MEGF11: variants seen among roughly 807,000 people sequenced by gnomAD.
MEGF11 encodes the protein multiple epidermal growth factor-like domains protein 11.
MEGF11 carries 126 observed loss-of-function variants against 146.6 expected under a neutral mutation model. The observed-to-expected ratio is 0.86, with a 90% CI of 0.74 to 1.00. MEGF11 has a LOEUF of 1.00. MEGF11 is among the 50% of genes least tolerant of loss of function. MEGF11 has a pLI of 0.00. For missense variants in MEGF11, 1,509 were observed against 1,521.2 expected (o/e 0.99, Z 0.13); for synonymous variants, 532 against 583.4 (o/e 0.91, Z 1.27).
chr15:66,205,385 A>G (rs1402701545), intron 1 of MEGF11, among the ~76,000 whole-genome samples: 3 of 152,154 alleles, frequency 2.0e-5, no homozygotes, highest in Non-Finnish European at 4.4e-5. Context: ...TTGAGGTTAC[A>G]ATGAGCTATA....
At chr15:66,059,142 G>C (rs958094144) in intron 5 of MEGF11, among the ~76,000 whole-genome samples, 1 of 152,202 alleles carries the variant, frequency 6.6e-6, no homozygotes, top group Non-Finnish European at 1.5e-5. Flanking sequence ...AGAAACCATT[G>C]CTCTAACCTT....
chr15:66,105,995 C>T (rs796287019), intron 4 of MEGF11, among the ~76,000 whole-genome samples: 25 of 152,264 alleles, frequency 1.6e-4, no homozygotes, highest in African/African-American at 6.0e-4. Context: ...GTTCTCTGGC[C>T]AGGGGAGGGA....
At chr15:66,170,475 C>T (rs1017798570) in intron 1 of MEGF11, among the ~76,000 whole-genome samples, 1 of 152,220 alleles carries the variant, frequency 6.6e-6, no homozygotes, top group Non-Finnish European at 1.5e-5. Flanking sequence ...TGAATCCACT[C>T]AGTAGCTGCG....
intron 5 of MEGF11, among the ~76,000 whole-genome samples, chr15:66,060,405 C>G (rs569502965): frequency 6.6e-6 from 1 of 152,338 alleles, no homozygotes; most frequent in Admixed American, 6.5e-5. Flanking sequence ...AGAACTAGCT[C>G]AGTACCCAGC....
Position 66,076,347 on chromosome 15 carries a change from T to TAA in MEGF11, c.394+18053_394+18054dup, listed in dbSNP as rs11348293. Among the ~76,000 whole-genome samples, 1,334 of 145,518 alleles carry TAA rather than the reference T, an allele frequency of 9.2e-3. 25 individuals carry two copies. Among genetic ancestry groups the TAA allele is most frequent in the East Asian group, 0.028 (140 of 5,010 alleles). The stretch of plus-strand genomic sequence containing the variant: ...TCTGTCATGTTACTAAAGATCTTTG[T>TAA]AAAAAAAAAAAAAAATACCAAGTGG... On this transcript the variant is annotated intron_variant, in intron 5 of 25. Transcript: ENST00000395614.
chr15:66,099,031 T>A (rs2086666029), intron 4 of MEGF11, among the ~76,000 whole-genome samples: 1 of 152,080 alleles, frequency 6.6e-6, no homozygotes, highest in South Asian at 2.1e-4. Flanking sequence ...GGCTTCCATA[T>A]ATGAAGAGAC....
chr15:65,985,812 A>T lies in MEGF11; in HGVS notation c.395-3324T>A, dbSNP rs563171511. ...GAGCAGCATTCATGGTACCCTACGA[A>T]AGTGCTCTAATAAGGGCAGCTCAGG... On this transcript the variant is annotated intron_variant, in intron 5 of 25. Coordinates refer to ENST00000395614, the MANE Select transcript of MEGF11 (RefSeq NM_001385028.1). Among the ~76,000 whole-genome samples the T allele has an allele frequency of 9.9e-5, 15 of 152,164 alleles. No individual in the cohort carries two copies. The East Asian group carries it at 1.5e-3, about 16-fold the overall frequency.
intron 5 of MEGF11, among the ~76,000 whole-genome samples, chr15:66,053,476 CATT>C (rs1186529743): frequency 3.3e-5 from 5 of 152,048 alleles, no homozygotes; most frequent in Admixed American, 2.6e-4. Context: ...ATGGGGTTAT[CATT>C]ATTATCATTA....
At chr15:65,943,413 G>C (rs182883141) in intron 10 of MEGF11, among the ~76,000 whole-genome samples, 1 of 152,056 alleles carries the variant, frequency 6.6e-6, no homozygotes, top group Non-Finnish European at 1.5e-5. Flanking sequence ...AGGGGCACAG[G>C]CTGGCAACTT....
At chr15:66,123,296 C>A (rs1012419350) in intron 3 of MEGF11, among the ~76,000 whole-genome samples, 2 of 152,134 alleles carry the variant, frequency 1.3e-5, no homozygotes, top group African/African-American at 4.8e-5. Context: ...GTCAAGGTGC[C>A]GAGAGGTTGC....
chr15:66,162,891 G>A (rs1429649261), intron 1 of MEGF11, among the ~76,000 whole-genome samples: 1 of 152,210 alleles, frequency 6.6e-6, no homozygotes. Flanking sequence ...CTTCTCAGGT[G>A]GAGGTTAAGT....
At chr15:65,979,011 T>C (rs1289838618) in intron 7 of MEGF11, among the ~76,000 whole-genome samples, 1 of 142,392 alleles carries the variant, frequency 7.0e-6, no homozygotes, top group African/African-American at 2.6e-5. Flanking sequence ...CACCTCAATA[T>C]AGAAACTAGA....
At chr15:66,252,607 A>G (rs2092391543) in intron 1 of MEGF11, among the ~76,000 whole-genome samples, 1 of 152,166 alleles carries the variant, frequency 6.6e-6, no homozygotes, top group African/African-American at 2.4e-5. Flanking sequence ...GGGCACCGCC[A>G]CGCCGAGGCT....
chr15:66,165,717 G>A (rs898546995), intron 1 of MEGF11, among the ~76,000 whole-genome samples: 6 of 152,094 alleles, frequency 3.9e-5, no homozygotes, highest in African/African-American at 1.4e-4. Context: ...GACTTATAAG[G>A]AAAAGGCAGG....
intron 7 of MEGF11, among the ~76,000 whole-genome samples, chr15:65,978,738 G>C (rs1488132133): frequency 1.3e-5 from 2 of 152,104 alleles, no homozygotes; most frequent in African/African-American, 4.8e-5. Flanking sequence ...ACTGGTTCAG[G>C]GTGGAAGAAA....
chr15:66,027,995 A>G (rs1487347878), intron 5 of MEGF11, among the ~76,000 whole-genome samples: 4 of 152,252 alleles, frequency 2.6e-5, no homozygotes, highest in African/African-American at 9.6e-5. Context: ...CTCTGAAAAG[A>G]GGGACGTAGC....
chr15:66,084,199 G>C (rs2140574113), intron 5 of MEGF11, among the ~76,000 whole-genome samples: 1 of 152,192 alleles, frequency 6.6e-6, no homozygotes, highest in African/African-American at 2.4e-5. Flanking sequence ...ATCATTATGT[G>C]GTGCATGACG....
intron 5 of MEGF11, among the ~76,000 whole-genome samples, chr15:66,033,392 C>T (rs79572082): frequency 0.015 from 2,342 of 152,342 alleles, 54 homozygotes; most frequent in African/African-American, 0.052. Flanking sequence ...CAACTAGGGT[C>T]TCTGCTCCCT....
chr15:65,923,024 A>T, intron 13 of MEGF11, 55 bp from the exon 14 acceptor site: 1 of 1,579,712 alleles, frequency 6.3e-7, no homozygotes, highest in Non-Finnish European at 8.6e-7. Context: ...GATGAAGGGA[A>T]GAATGGAGGG....
Sources: allele counts gnomAD v4.1 joint callset (sites outside exome capture counted in the v4.1 genomes callset), GRCh38; gene constraint gnomAD v4.1.1; transcripts MANE v1.5; gene names NCBI Gene and HGNC (gene_info 2026-07-23, HGNC 2026-07-21).